RALGPS1: variants seen among roughly 807,000 people sequenced by gnomAD.
RALGPS1 encodes the protein ras-specific guanine nucleotide-releasing factor RalGPS1.
Under a neutral mutation model 78.8 loss-of-function variants are expected in RALGPS1, and 19 were observed. The ratio of observed to expected loss-of-function variants is 0.24; its 90% CI spans 0.17 to 0.35. The LOEUF is 0.35. Ranked by LOEUF, RALGPS1 falls within the 10% of genes least tolerant of loss-of-function variation. The pLI is 1.00. For missense variants in RALGPS1, 454 were observed against 688.3 expected (o/e 0.66, Z 3.81); for synonymous variants, 228 against 256.3 (o/e 0.89, Z 1.06).
intron 8 of RALGPS1, among the ~76,000 whole-genome samples, chr9:127,139,526 G>A (rs753396885): frequency 1.3e-5 from 2 of 152,262 alleles, no homozygotes. Context: ...AGCGCTTGGA[G>A]CGTCTGCCTT....
chr9:127,091,808 C>A lies in RALGPS1; in HGVS notation c.610+22452C>A, dbSNP rs757050296. 8 of 1,614,036 alleles carry A rather than the reference C, an allele frequency of 5.0e-6. No individual in the cohort carries two copies. The highest frequency in any genetic ancestry group is 4.5e-5 in the East Asian group (2 of 44,884). On this transcript the variant is annotated intron_variant, in intron 8 of 18. Coordinates refer to ENST00000259351, the MANE Select transcript of RALGPS1 (RefSeq NM_014636.3). This position sits in a 1 kb window ranked among gnomAD's most constrained non-coding sequence, Gnocchi z 4.3. ...CTCTCAGGTTCCAGGCGGAAACTGG[C>A]GTATTCTGCAAAGACTTTGCGGCCG...
rs558230214 is a variant in RALGPS1, at chr9:127,218,531, C to T, written c.1645-209C>T. On this transcript the variant is annotated intron_variant, in intron 18 of 18. Transcript: ENST00000259351. This position sits in a 1 kb window ranked among gnomAD's most constrained non-coding sequence, Gnocchi z 4.4. ...AGGGGTTGAAGTGAGGACTCAAGAACGCAGTGCATGCGGTGGATTCAGAGC... is the reference window on the plus strand; with the variant it reads ...AGGGGTTGAAGTGAGGACTCAAGAATGCAGTGCATGCGGTGGATTCAGAGC... 1.7e-4 allele frequency among the ~76,000 whole-genome samples: 26 copies of T among 152,282 alleles called. No homozygotes were observed. Among genetic ancestry groups the T allele is most frequent in the Admixed American group, 9.8e-4 (15 of 15,306 alleles).
At chr9:127,131,952 G>A (rs1283233607) in intron 8 of RALGPS1, among the ~76,000 whole-genome samples, 1 of 152,054 alleles carries the variant, frequency 6.6e-6, no homozygotes, top group African/African-American at 2.4e-5. Context: ...AGTAAATCTG[G>A]GGCCCGGGAA....
intron 8 of RALGPS1, among the ~76,000 whole-genome samples, chr9:127,140,080 A>G (rs773899016): frequency 1.3e-5 from 2 of 152,140 alleles, no homozygotes; most frequent in Non-Finnish European, 2.9e-5. Context: ...TATTATTATT[A>G]TTGTTGTCAC....
At chr9:126,974,546 T>G (rs1168618141) in intron 3 of RALGPS1, among the ~76,000 whole-genome samples, 1 of 151,664 alleles carries the variant, frequency 6.6e-6, no homozygotes, top group Admixed American at 6.6e-5. Flanking sequence ...TTTTTTTTCC[T>G]TTTGGCTAAC....
chr9:127,191,341 T>C (rs1184168918), intron 11 of RALGPS1, among the ~76,000 whole-genome samples: 3 of 152,222 alleles, frequency 2.0e-5, no homozygotes, highest in African/African-American at 7.2e-5. Flanking sequence ...TTCCCAGTAG[T>C]TTTGCTTTTC....
chr9:127,190,282 T>C (rs1025775602), intron 11 of RALGPS1, among the ~76,000 whole-genome samples: 2 of 152,252 alleles, frequency 1.3e-5, no homozygotes, highest in Non-Finnish European at 2.9e-5. Context: ...AAACATTCTT[T>C]TGCAACTTAC....
intron 13 of RALGPS1, among the ~76,000 whole-genome samples, chr9:127,197,887 A>T (rs2061426666): frequency 6.6e-6 from 1 of 152,332 alleles, no homozygotes; most frequent in Non-Finnish European, 1.5e-5. Context: ...TTCTTTGGTC[A>T]TGGGACCCTC....
rs1288619398 is a variant in RALGPS1 at position 127,183,658 on chromosome 9, G to A, written c.910+8876G>A. ...TCCGCAGGGGGTCTGTGGAGACTCC[G>A]CCTGACTATGTGTGAGTAGAAAAAG... On this transcript the variant is annotated intron_variant, in intron 11 of 18. Transcript: ENST00000259351. The surrounding 1 kb of genome is among the most constrained non-coding windows in gnomAD (Gnocchi z 4.0). Among the ~76,000 whole-genome samples, 3 of 152,068 alleles carry A rather than the reference G, an allele frequency of 2.0e-5. No homozygotes were observed. Among genetic ancestry groups the A allele is most frequent in the African/African-American group, 2.4e-5 (1 of 41,406 alleles).
At chr9:126,969,831 A>G (rs1204414883) in intron 3 of RALGPS1, among the ~76,000 whole-genome samples, 1 of 152,068 alleles carries the variant, frequency 6.6e-6, no homozygotes, top group Non-Finnish European at 1.5e-5. Context: ...TGAGGCTGGG[A>G]AGACTGTAGG....
rs2056416874 is a variant in RALGPS1, at chr9:127,124,124, C to T, written c.611-41945C>T. On this transcript the variant is annotated intron_variant, in intron 8 of 18. Transcript: ENST00000259351. The stretch of plus-strand genomic sequence containing the variant: ...TCCCCAAGGAGACCCTGACACTTCA[C>T]CCATGGAGCGGTGAGGTCCCTGCTC... Among the ~76,000 whole-genome samples the T allele has an allele frequency of 2.6e-5, 4 of 152,210 alleles. No individual in the cohort carries two copies. In the South Asian group the frequency reaches 8.3e-4, roughly 32 times the overall value.
At chr9:126,982,928 CTTTTTT>C (rs71377984) in intron 4 of RALGPS1, among the ~76,000 whole-genome samples, 2 of 34,594 alleles carry the variant, frequency 5.8e-5, no homozygotes, top group African/African-American at 1.5e-4. Flanking sequence ...TCTTCTTCTT[CTTTTTT>C]TTTTTTTTTT....
intron 8 of RALGPS1, among the ~76,000 whole-genome samples, chr9:127,159,323 C>G (rs2058883186): frequency 6.6e-6 from 1 of 152,170 alleles, no homozygotes; most frequent in African/African-American, 2.4e-5. Context: ...GTCCTCATTT[C>G]ACCTTGGGGA....
chr9:127,184,015 G>A (rs2060467326), intron 11 of RALGPS1: 5 of 1,549,738 alleles, frequency 3.2e-6, no homozygotes, highest in East Asian at 4.9e-5. Context: ...GCTCCCCGTG[G>A]CCTAGGAATC....
At chr9:127,104,450 G>T (rs77267785) in intron 8 of RALGPS1, among the ~76,000 whole-genome samples, 1,685 of 152,308 alleles carry the variant, frequency 0.011, 31 homozygotes, top group African/African-American at 0.038. Context: ...GCAGCAGCAG[G>T]ATAGGTGGGG....
chr9:126,976,012 G>T (rs1269361629), intron 3 of RALGPS1, among the ~76,000 whole-genome samples: 1 of 152,176 alleles, frequency 6.6e-6, no homozygotes, highest in Non-Finnish European at 1.5e-5. Flanking sequence ...TCTGCCTGAG[G>T]ATGGTCTGCT....
At chr9:127,103,788 T>C (rs1395149000) in intron 8 of RALGPS1, among the ~76,000 whole-genome samples, 1 of 152,128 alleles carries the variant, frequency 6.6e-6, no homozygotes, top group East Asian at 1.9e-4. Context: ...AGCTAGAAGG[T>C]CAGGAAGTAG....
intron 8 of RALGPS1, among the ~76,000 whole-genome samples, chr9:127,095,999 T>G (rs1179289286): frequency 2.0e-5 from 3 of 152,214 alleles, no homozygotes; most frequent in African/African-American, 7.2e-5. Flanking sequence ...TCCCTTCATC[T>G]TCTGGGGAGG....
intron 8 of RALGPS1, among the ~76,000 whole-genome samples, chr9:127,134,578 T>TGGA (rs2057265043): frequency 1.3e-5 from 2 of 152,224 alleles, no homozygotes; most frequent in Non-Finnish European, 2.9e-5. Flanking sequence ...ATGATGATTC[T>TGGA]AATCTCCACT....
Sources: gnomAD v4.1 joint callset for allele counts (sites outside exome capture counted in the v4.1 genomes callset) on GRCh38, gnomAD v4.1.1 for gene constraint, Gnocchi (gnomAD v3.1) non-coding constraint, MANE v1.5 for transcripts, NCBI Gene and HGNC (gene_info 2026-07-23, HGNC 2026-07-21) for gene names.